KCNIP1: variants seen among roughly 807,000 people sequenced by gnomAD.
KCNIP1 encodes the protein A-type potassium channel modulatory protein KCNIP1.
A neutral mutation model predicts 33.0 loss-of-function variants in KCNIP1; 18 were observed. The ratio of observed to expected loss-of-function variants is 0.55; its 90% CI spans 0.38 to 0.81. KCNIP1 has a LOEUF of 0.81. Among genes scored for constraint, KCNIP1 ranks in the 30% least tolerant of loss-of-function variants. KCNIP1 has a pLI of 0.00. For missense variants in KCNIP1, 238 were observed against 271.6 expected (o/e 0.88, Z 0.87); for synonymous variants, 93 against 98.3 (o/e 0.95, Z 0.32).
chr5:170,418,401 C>T (rs1186769543), intron 1 of KCNIP1, among the ~76,000 whole-genome samples: 1 of 152,194 alleles, frequency 6.6e-6, no homozygotes, highest in Non-Finnish European at 1.5e-5. Context: ...TGCGCTCCAG[C>T]CTGGGCTACA....
chr5:170,536,897 GC>G (rs1390002225), intron 1 of KCNIP1, among the ~76,000 whole-genome samples: 1 of 152,210 alleles, frequency 6.6e-6, no homozygotes, highest in Non-Finnish European at 1.5e-5. Flanking sequence ...CATCTCCTGG[GC>G]ATTAGACTTG....
intron 1 of KCNIP1, among the ~76,000 whole-genome samples, chr5:170,362,263 C>T (rs908294847): frequency 7.9e-5 from 12 of 152,212 alleles, no homozygotes; most frequent in South Asian, 2.1e-4. Context: ...GAAGCCTAGG[C>T]GGTCTGGCCC....
At chr5:170,554,802 C>T (rs1756783106) in intron 1 of KCNIP1, among the ~76,000 whole-genome samples, 1 of 152,150 alleles carries the variant, frequency 6.6e-6, no homozygotes, top group Admixed American at 6.5e-5. Context: ...TCCCTCTCTC[C>T]TCTTCTCCCC....
intron 1 of KCNIP1, among the ~76,000 whole-genome samples, chr5:170,673,433 C>T (rs1261386645): frequency 2.0e-5 from 3 of 152,232 alleles, no homozygotes; most frequent in Non-Finnish European, 2.9e-5. Flanking sequence ...TCCAACACAA[C>T]GATACAGTGA....
intron 1 of KCNIP1, among the ~76,000 whole-genome samples, chr5:170,498,618 CTCT>C (rs1757354798): frequency 6.6e-6 from 1 of 152,150 alleles, no homozygotes; most frequent in African/African-American, 2.4e-5. Context: ...GTACTCTTGC[CTCT>C]TCTTGCTCAT....
chr5:170,553,898 C>T (rs1021122182), intron 1 of KCNIP1, among the ~76,000 whole-genome samples: 5 of 152,298 alleles, frequency 3.3e-5, no homozygotes, highest in East Asian at 1.9e-4. Flanking sequence ...TGAGAAAGTC[C>T]GTGAGATGTT....
chr5:170,496,143 G>A (rs1370112922), intron 1 of KCNIP1, among the ~76,000 whole-genome samples: 1 of 152,188 alleles, frequency 6.6e-6, no homozygotes, highest in Non-Finnish European at 1.5e-5. Flanking sequence ...GCCGAAGAGG[G>A]AAAGACCCTG....
intron 1 of KCNIP1, among the ~76,000 whole-genome samples, chr5:170,644,725 C>G (rs988747991): frequency 1.3e-5 from 2 of 152,256 alleles, no homozygotes; most frequent in Non-Finnish European, 1.5e-5. Context: ...AGAGTCCAGT[C>G]AGCTCTGTAA....
chr5:170,552,676 G>A (rs1334715685), intron 1 of KCNIP1, among the ~76,000 whole-genome samples: 2 of 152,180 alleles, frequency 1.3e-5, no homozygotes, highest in Middle Eastern at 3.2e-3. Context: ...GAAAGGCAAG[G>A]GCTAGACCGC....
At chr5:170,503,599 G>A (rs1757464578), upstream of KCNIP1, among the ~76,000 whole-genome samples, 1 of 151,868 alleles carries the variant, frequency 6.6e-6, no homozygotes, top group South Asian at 2.1e-4. Context: ...CTTTCTGGGT[G>A]GGGCAGACTT....
rs1375626004 is a variant in KCNIP1 at position 170,667,210 on chromosome 5, G to A, written c.62-51548G>A. On this transcript the variant is annotated intron_variant, in intron 1 of 7. Coordinates refer to ENST00000328939, the MANE Select transcript of KCNIP1 (RefSeq NM_014592.4). ...ACCTGTAATCCCAGCTACCCGGGAG[G>A]CTGAGGCAGGAGAATTGCTTGAACC... is the stretch of plus-strand genomic sequence containing the variant. Among the ~76,000 whole-genome samples the A allele has an allele frequency of 5.3e-5, 8 of 151,920 alleles. No homozygotes were observed. The East Asian group carries it at 1.5e-3, about 29-fold the overall frequency.
chr5:170,711,758 A>G (rs957543758), intron 1 of KCNIP1, among the ~76,000 whole-genome samples: 3 of 152,190 alleles, frequency 2.0e-5, no homozygotes, highest in Non-Finnish European at 1.5e-5. Flanking sequence ...TACAAATGCC[A>G]CCTCACCAGA....
chr5:170,671,209 A>G (rs2113770576), intron 1 of KCNIP1, among the ~76,000 whole-genome samples: 1 of 152,254 alleles, frequency 6.6e-6, no homozygotes, highest in South Asian at 2.1e-4. Flanking sequence ...CAAATCCTTA[A>G]CACGGTCTAC....
intron 1 of KCNIP1, among the ~76,000 whole-genome samples, chr5:170,690,551 A>T (rs1032090434): frequency 6.6e-6 from 1 of 152,236 alleles, no homozygotes; most frequent in Non-Finnish European, 1.5e-5. Flanking sequence ...ATTAATGCAA[A>T]AACTAATTAT....
chr5:170,373,841 A>G (rs1245352493), intron 1 of KCNIP1, among the ~76,000 whole-genome samples: 3 of 152,208 alleles, frequency 2.0e-5, no homozygotes, highest in Non-Finnish European at 4.4e-5. Context: ...CAGAGTTTTG[A>G]CTTTGCAAGC....
chr5:170,702,361 G>T (rs1406227641), intron 1 of KCNIP1, among the ~76,000 whole-genome samples: 1 of 152,218 alleles, frequency 6.6e-6, no homozygotes, highest in Non-Finnish European at 1.5e-5. Context: ...GGCCCCAGTA[G>T]CCACATCTGT....
rs750166843 is a variant in KCNIP1, at chr5:170,504,553, G to T, written c.-20G>T. The T allele has an allele frequency of 1.2e-6, 2 of 1,612,498 alleles. No homozygotes were observed. Among genetic ancestry groups the T allele is most frequent in the Non-Finnish European group, 8.5e-7 (1 of 1,179,968 alleles). On this transcript the variant is annotated 5_prime_UTR_variant, in exon 1 of 8. Coordinates refer to ENST00000328939, the MANE Select transcript of KCNIP1 (RefSeq NM_014592.4). The surrounding 1 kb of genome is among the most constrained non-coding windows in gnomAD (Gnocchi z 6.0). ...GGGGCCGGGCCCGGGGTCCCAACTCGCACTCAAGTCTTCGCTGCCATGGGG... is the reference window on the plus strand; with the variant it reads ...GGGGCCGGGCCCGGGGTCCCAACTCTCACTCAAGTCTTCGCTGCCATGGGG...
chr5:170,574,656 C>A (rs1467979659), intron 1 of KCNIP1, among the ~76,000 whole-genome samples: 1 of 152,136 alleles, frequency 6.6e-6, no homozygotes, highest in African/African-American at 2.4e-5. Context: ...GATTCATTTT[C>A]CAATCCACTT....
At chr5:170,630,714 C>T (rs1273345292) in intron 1 of KCNIP1, among the ~76,000 whole-genome samples, 1 of 152,176 alleles carries the variant, frequency 6.6e-6, no homozygotes, top group African/African-American at 2.4e-5. Context: ...CAATTGTACC[C>T]CAAGGGAGCA....
Sources: gnomAD v4.1 joint callset for allele counts (sites outside exome capture counted in the v4.1 genomes callset) on GRCh38, gnomAD v4.1.1 for gene constraint, Gnocchi (gnomAD v3.1) non-coding constraint, MANE v1.5 for transcripts, NCBI Gene and HGNC (gene_info 2026-07-23, HGNC 2026-07-21) for gene names.